The following CCDC138 variants were observed in gnomAD, a reference collection of about 807,000 sequenced individuals.
The protein encoded by CCDC138 is coiled-coil domain containing 138.
CCDC138 carries 66 observed loss-of-function variants against 82.3 expected under a neutral mutation model. The ratio of observed to expected loss-of-function variants is 0.80; its 90% CI spans 0.66 to 0.98. CCDC138 has a LOEUF of 0.98. Among genes scored for constraint, CCDC138 ranks in the 50% least tolerant of loss-of-function variants. CCDC138 has a pLI of 0.00. For missense variants in CCDC138, 816 were observed against 758.9 expected (o/e 1.08, Z -0.88); for synonymous variants, 297 against 265.4 (o/e 1.12, Z -1.16).
intron 12 of CCDC138, 47 bp downstream of exon 12, chr2:108,846,977 A>AATATCAT (rs1558724541): frequency 9.8e-7 from 1 of 1,019,508 alleles, no homozygotes; most frequent in South Asian, 1.4e-5. Flanking sequence ...AACAATAGAG[A>AATATCAT]ATATCATATA....
chr2:108,880,389 C>T (rs1696259324), downstream of CCDC138, among the ~76,000 whole-genome samples: 1 of 152,178 alleles, frequency 6.6e-6, no homozygotes, highest in African/African-American at 2.4e-5. Flanking sequence ...AAAATCCTAA[C>T]AAGTTATTTT....
intron 10 of CCDC138, among the ~76,000 whole-genome samples, chr2:108,818,092 G>C (rs1685086443): frequency 6.6e-6 from 1 of 152,128 alleles, no homozygotes; most frequent in Non-Finnish European, 1.5e-5. Flanking sequence ...GATTGCTTGA[G>C]CCTAGGGGTT....
chr2:108,822,152 T>C (rs1335232039), intron 10 of CCDC138, among the ~76,000 whole-genome samples: 1 of 152,076 alleles, frequency 6.6e-6, no homozygotes, highest in Non-Finnish European at 1.5e-5. Flanking sequence ...AAAAGACTAG[T>C]AGTAGTAATA....
chr2:108,848,594 A>G (rs966398548), intron 12 of CCDC138, among the ~76,000 whole-genome samples: 2 of 152,236 alleles, frequency 1.3e-5, no homozygotes, highest in Admixed American at 6.5e-5. Context: ...GGCTTAATGT[A>G]TAATACCAGT....
intron 13 of CCDC138, among the ~76,000 whole-genome samples, chr2:108,872,333 C>G (rs1361161582): frequency 6.6e-6 from 1 of 152,138 alleles, no homozygotes; most frequent in Admixed American, 6.5e-5. Context: ...ATTCTTAACT[C>G]GTTCCACCAC....
chr2:108,796,622 A>G (rs937331033), intron 5 of CCDC138, among the ~76,000 whole-genome samples: 1 of 152,236 alleles, frequency 6.6e-6, no homozygotes, highest in Admixed American at 6.5e-5. Flanking sequence ...TCTATACACA[A>G]TGGAATATTA....
At chr2:108,859,889 A>G (rs1480232545) in intron 13 of CCDC138, among the ~76,000 whole-genome samples, 1 of 151,856 alleles carries the variant, frequency 6.6e-6, no homozygotes, top group Non-Finnish European at 1.5e-5. Context: ...AGATTGCTTT[A>G]GGCAATATAA....
At position 108,876,456 on chromosome 2, in the gene CCDC138, A is replaced by AATAT; in HGVS notation, c.*205_*208dup. 2.8e-6 allele frequency: 1 copy of AATAT among 355,190 alleles called. No homozygotes were observed. The highest frequency in any genetic ancestry group is 5.0e-6 in the Non-Finnish European group (1 of 199,028). 22.0% of individuals were successfully genotyped at this position (355,190 alleles called of 1,614,324 possible). ...GTTTCAGTTCAGGTAAGGTAATACT[A>AATAT]ATATACAAGATGGCGTTTCTAGAAT... On this transcript the variant is annotated 3_prime_UTR_variant, in exon 15 of 15. Coordinates refer to ENST00000295124, the MANE Select transcript of CCDC138 (RefSeq NM_144978.3).
intron 11 of CCDC138, among the ~76,000 whole-genome samples, chr2:108,842,058 C>T (rs953356886): frequency 6.6e-6 from 1 of 152,108 alleles, no homozygotes; most frequent in Non-Finnish European, 1.5e-5. Context: ...GAGACAGAGT[C>T]TCACTCTGTT....
intron 13 of CCDC138, among the ~76,000 whole-genome samples, chr2:108,860,740 C>T (rs1261151993): frequency 6.6e-6 from 1 of 151,806 alleles, no homozygotes. Flanking sequence ...CTGTGTTGAT[C>T]AGGGATATTG....
At chr2:108,791,519 T>C (rs746828255) in intron 3 of CCDC138, 156 bp from the exon 4 acceptor site, 3 of 824,636 alleles carry the variant, frequency 3.6e-6, no homozygotes, top group South Asian at 2.8e-5. Context: ...CTGTTAGTTT[T>C]TACGTTTTTT....
intron 10 of CCDC138, among the ~76,000 whole-genome samples, chr2:108,829,370 A>G (rs746292058): frequency 2.6e-4 from 40 of 152,348 alleles, no homozygotes; most frequent in Admixed American, 5.2e-4. Flanking sequence ...ATGGCCCCTA[A>G]GCTCATAAAA....
At chr2:108,804,701 G>C (rs1353168257) in intron 6 of CCDC138, among the ~76,000 whole-genome samples, 188 bp from the exon 7 acceptor site, 1 of 152,078 alleles carries the variant, frequency 6.6e-6, no homozygotes, top group Non-Finnish European at 1.5e-5. Context: ...TTGATGTTTT[G>C]TTGTTATCTT....
chr2:108,883,947 T>C (rs1187666899), intron 2 of CCDC138: 3 of 34,184 alleles, frequency 8.8e-5, no homozygotes, highest in Non-Finnish European at 2.5e-4. Context: ...AGGCAGAGTC[T>C]CTCACAGGTT....
At position 108,815,946 on chromosome 2, in the gene CCDC138, A is replaced by G; in HGVS notation, c.1047A>G (p.Pro349=). The G allele has an allele frequency of 1.2e-6, 2 of 1,606,400 alleles. No individual in the cohort carries two copies. Among genetic ancestry groups the G allele is most frequent in the South Asian group, 1.1e-5 (1 of 88,998 alleles). Residue 349 remains proline, a synonymous_variant, in exon 10 of 15, where the codon CCA becomes CCG. Coordinates refer to ENST00000295124, the MANE Select transcript of CCDC138 (RefSeq NM_144978.3). ...ATTTAATTTTTGACATATAGGTACC[A>G]CTTAATGGGCAAGTTTATGAACTTT... ...KAPVSKTYKV[P]LNGQVYELLT...
In CCDC138 at chr2:108,844,167, A is replaced by G. The variant is rs185550085; in HGVS notation, c.1324-2571A>G. Among the ~76,000 whole-genome samples the G allele has an allele frequency of 2.9e-3, 444 of 151,828 alleles. 3 individuals are homozygous for G. The highest frequency in any genetic ancestry group is 0.01 in the African/African-American group (433 of 41,396). On this transcript the variant is annotated intron_variant, in intron 11 of 14. Transcript: ENST00000295124. ...TGAGCCACCGCCCCCAGTTTCTTCA[A>G]GTGCTTTTTCAGCCCTACCTGATTT...
intron 1 of CCDC138, 42 bp downstream of exon 1, chr2:108,786,957 TG>T (rs1243627997): frequency 2.9e-6 from 4 of 1,375,000 alleles, no homozygotes; most frequent in South Asian, 1.5e-5. Flanking sequence ...CTCCTGCTGC[TG>T]GGGGGCGGCC....
At chr2:108,815,650 A>G (rs1008269181) in intron 9 of CCDC138, among the ~76,000 whole-genome samples, 2 of 151,508 alleles carry the variant, frequency 1.3e-5, no homozygotes, top group African/African-American at 4.9e-5. Flanking sequence ...TTTAGTAAAG[A>G]CAGGTTTTGC....
chr2:108,815,530 G>A (rs74482410), intron 9 of CCDC138, among the ~76,000 whole-genome samples: 1,876 of 139,272 alleles, frequency 0.013, 41 homozygotes, highest in African/African-American at 0.047. Context: ...GCAGTGGTGC[G>A]ATCTCGGCTC....
Sources: gnomAD v4.1 joint callset for allele counts (sites outside exome capture counted in the v4.1 genomes callset) on GRCh38, gnomAD v4.1.1 for gene constraint, MANE v1.5 for transcripts, NCBI Gene and HGNC (gene_info 2026-07-23, HGNC 2026-07-21) for gene names.